The following INPP4B variants were observed in gnomAD, a reference collection of about 807,000 sequenced individuals.
INPP4B encodes the protein inositol polyphosphate 4-phosphatase type II.
In INPP4B, 55 loss-of-function variants were observed where a neutral mutation model predicts 122.5. That is an observed-to-expected ratio of 0.45 (90% confidence interval 0.36 to 0.56). INPP4B has a LOEUF of 0.56. INPP4B is among the 20% of genes least tolerant of loss of function. The probability of loss-of-function intolerance (pLI) is 0.00; values close to 1 mark genes in which losing one functional copy is unlikely to be tolerated. For missense variants in INPP4B, 1,000 were observed against 1,097.7 expected, an observed-to-expected ratio of 0.91 and a Z score of 1.26; for synonymous variants, 403 against 388.7, an observed-to-expected ratio of 1.04 and a Z score of -0.43.
intron 25 of INPP4B, among the ~76,000 whole-genome samples, chr4:142,073,238 T>C (rs1187417789): frequency 1.3e-5 from 2 of 152,268 alleles, no homozygotes; most frequent in Middle Eastern, 3.4e-3. Flanking sequence ...TGGAAGAGAA[T>C]GGAGTGTAAT....
chr4:142,691,477 T>A (rs1009522779), intron 2 of INPP4B, among the ~76,000 whole-genome samples: 1 of 152,064 alleles, frequency 6.6e-6, no homozygotes, highest in Non-Finnish European at 1.5e-5. Flanking sequence ...GATGTACCTT[T>A]ATAAAAATCA....
chr4:142,035,935 A>ATCTT (rs1743611115), intron 25 of INPP4B, among the ~76,000 whole-genome samples: 1 of 152,032 alleles, frequency 6.6e-6, no homozygotes, highest in African/African-American at 2.4e-5. Flanking sequence ...TTTTTTTAAA[A>ATCTT]TCTTTCAACT....
At chr4:142,317,359 G>A (rs1768120574) in intron 7 of INPP4B, 3 of 344,412 alleles carry the variant, frequency 8.7e-6, no homozygotes, top group East Asian at 1.8e-4. Flanking sequence ...TGGCTTCAAG[G>A]CAGATTACAT....
intron 14 of INPP4B, among the ~76,000 whole-genome samples, chr4:142,196,877 C>G (rs1838461641): frequency 6.6e-6 from 1 of 151,942 alleles, no homozygotes; most frequent in Admixed American, 6.6e-5. Context: ...GTAATCCCAG[C>G]ACTTTGGGAG....
intron 2 of INPP4B, among the ~76,000 whole-genome samples, chr4:142,712,197 T>C (rs898812734): frequency 1.3e-5 from 2 of 152,208 alleles, no homozygotes; most frequent in Non-Finnish European, 2.9e-5. Context: ...TCCCAGCTTC[T>C]AGAATTGTTA....
rs2150263443 is a variant in INPP4B at position 142,594,577 on chromosome 4, C to G, written c.-191+131262G>C. Among the ~76,000 whole-genome samples, 2 of 152,226 alleles carry G rather than the reference C, an allele frequency of 1.3e-5. 1 individual carries two copies. Among genetic ancestry groups the G allele is most frequent in the South Asian group, 4.1e-4 (2 of 4,824 alleles). On this transcript the variant is annotated intron_variant, in intron 2 of 25. Transcript: ENST00000262992. ...ATACAGACAGCCTGACTTTGGGGAGCTAGACCACTTATTATTGCCTCTCAT... is the reference window on the plus strand; with the variant it reads ...ATACAGACAGCCTGACTTTGGGGAGGTAGACCACTTATTATTGCCTCTCAT...
chr4:142,489,169 G>A (rs1207549683), intron 2 of INPP4B, among the ~76,000 whole-genome samples: 1 of 152,022 alleles, frequency 6.6e-6, no homozygotes, highest in African/African-American at 2.4e-5. Context: ...TTTTTAAGAT[G>A]TCTTTTAATT....
At chr4:142,642,102 G>T (rs551075921) in intron 2 of INPP4B, among the ~76,000 whole-genome samples, 41 of 151,856 alleles carry the variant, frequency 2.7e-4, no homozygotes, top group Non-Finnish European at 4.6e-4. Context: ...TCGCCCACTT[G>T]TTGATGGGGT....
chr4:142,797,221 G>T (rs1277606003), intron 1 of INPP4B, among the ~76,000 whole-genome samples: 5 of 151,872 alleles, frequency 3.3e-5, no homozygotes, highest in Non-Finnish European at 5.9e-5. Context: ...GAGAAATTAA[G>T]AAACATGTCT....
chr4:142,800,991 T>C (rs562822604), intron 1 of INPP4B, among the ~76,000 whole-genome samples: 1 of 151,996 alleles, frequency 6.6e-6, no homozygotes, highest in East Asian at 1.9e-4. Flanking sequence ...TGGAAATAGA[T>C]TTGATGAAGA....
intron 1 of INPP4B, among the ~76,000 whole-genome samples, chr4:142,808,575 T>C (rs980421114): frequency 5.3e-5 from 8 of 152,168 alleles, no homozygotes; most frequent in African/African-American, 1.9e-4. Flanking sequence ...AGAATATAAC[T>C]GAGTATATTC....
intron 2 of INPP4B, chr4:142,661,063 T>A (rs1178261720): frequency 2.0e-5 from 3 of 152,156 alleles, no homozygotes; most frequent in African/African-American, 7.2e-5. Flanking sequence ...GTTCACACGA[T>A]TTGAAGCAGG....
chr4:142,336,640 G>T (rs74580049), intron 7 of INPP4B, among the ~76,000 whole-genome samples: 4 of 152,222 alleles, frequency 2.6e-5, no homozygotes, highest in Admixed American at 2.6e-4. Context: ...TTTGGGCATG[G>T]CTGTGATTCC....
chr4:142,720,780 T>TATATA (rs1560996589), intron 2 of INPP4B, among the ~76,000 whole-genome samples: 2 of 16,284 alleles, frequency 1.2e-4, no homozygotes, highest in African/African-American at 4.5e-4. Context: ...TCTCTCTCTC[T>TATATA]CTCTCTCTCT....
chr4:142,533,025 G>T (rs1239004971), intron 2 of INPP4B, among the ~76,000 whole-genome samples: 2 of 152,150 alleles, frequency 1.3e-5, no homozygotes, highest in Non-Finnish European at 2.9e-5. Flanking sequence ...GAAAGCAAAT[G>T]AAAGGCATGT....
At chr4:142,290,543 C>A (rs537393137) in intron 9 of INPP4B, among the ~76,000 whole-genome samples, 123 of 152,208 alleles carry the variant, frequency 8.1e-4, no homozygotes, top group Non-Finnish European at 1.5e-3. Context: ...GCACTGCTCA[C>A]TCAACTCTTG....
At chr4:142,688,360 T>G (rs1720373458) in intron 2 of INPP4B, among the ~76,000 whole-genome samples, 1 of 152,006 alleles carries the variant, frequency 6.6e-6, no homozygotes, top group South Asian at 2.1e-4. Flanking sequence ...ACACCATGAG[T>G]GATTTTTTTT....
intron 2 of INPP4B, among the ~76,000 whole-genome samples, chr4:142,512,383 A>G (rs1824838300): frequency 6.6e-6 from 1 of 152,166 alleles, no homozygotes; most frequent in South Asian, 2.1e-4. Flanking sequence ...CATACTCACT[A>G]TAAACCCGAT....
At chr4:142,350,968 G>T (rs1179724760) in intron 7 of INPP4B, among the ~76,000 whole-genome samples, 1 of 151,994 alleles carries the variant, frequency 6.6e-6, no homozygotes, top group Admixed American at 6.6e-5. Context: ...GGTGAAGAAA[G>T]AAGAAATATT....
Sources: gnomAD v4.1 joint callset for allele counts (sites outside exome capture counted in the v4.1 genomes callset) on GRCh38, gnomAD v4.1.1 for gene constraint, MANE v1.5 for transcripts, NCBI Gene and HGNC (gene_info 2026-07-23, HGNC 2026-07-21) for gene names.